The following TMED6 variants were observed in gnomAD, a reference collection of about 807,000 sequenced individuals.
TMED6 encodes the protein transmembrane emp24 domain-containing protein 6.
TMED6 carries 17 observed loss-of-function variants against 26.5 expected under a neutral mutation model. That is an observed-to-expected ratio of 0.64 (90% CI 0.44 to 0.96). TMED6 has a LOEUF of 0.96. Ranked by LOEUF, TMED6 falls within the 40% of genes least tolerant of loss-of-function variation. TMED6 has a pLI of 0.00. For missense variants in TMED6, 309 were observed against 296.5 expected, an observed-to-expected ratio of 1.04 and a Z score of -0.31; for synonymous variants, 107 against 106.2, an observed-to-expected ratio of 1.01 and a Z score of -0.04.
intron 1 of TMED6, among the ~76,000 whole-genome samples, 198 bp from the exon 2 acceptor site, chr16:69,349,849 A>G (rs2012747935): frequency 6.6e-6 from 1 of 152,212 alleles, no homozygotes; most frequent in Non-Finnish European, 1.5e-5. Flanking sequence ...GAGGCAGCAC[A>G]GCATTGCTGA....
intron 3 of TMED6, among the ~76,000 whole-genome samples, chr16:69,345,665 AGACT>A (rs1439276306): frequency 2.8e-5 from 4 of 143,400 alleles, no homozygotes; most frequent in Admixed American, 7.1e-5. Flanking sequence ...CCTGGACGAC[AGACT>A]GACTCTCTCA....
intron 2 of TMED6, 123 bp from the exon 3 acceptor site, chr16:69,348,059 T>A: frequency 9.9e-7 from 1 of 1,012,056 alleles, no homozygotes; most frequent in Non-Finnish European, 1.4e-6. Context: ...ACTTAGAAAG[T>A]ACAAAGATCC....
rs1376260532 is a variant in TMED6, at chr16:69,351,591, AT to A, written c.162del (p.Glu54AspfsTer43). 3 of 1,614,072 alleles carry A rather than the reference AT, an allele frequency of 1.9e-6. No homozygotes were observed. The highest frequency in any genetic ancestry group is 4.5e-5 in the East Asian group (2 of 44,898). On this transcript the variant is annotated frameshift_variant, in exon 1 of 4. Transcript: ENST00000288025. LOFTEE classifies it high-confidence loss of function. ...GTCTGGTGGGCAAATTGCCAAAAGC[AT>A]TCCGTGCCTCCTGGAGGTATCATGA... ...FAIMIPPGGTECFWQFAHQTG... is the reference protein window; with the variant it reads ...FAIMIPPGGTXCFWQFAHQTG...
In TMED6 at chr16:69,351,161, G is replaced by C. The variant is rs985729523; in HGVS notation, c.213+380C>G. On this transcript the variant is annotated intron_variant, in intron 1 of 3. Transcript: ENST00000288025. ...CTCCCCCACCCCATAAGCTGAAGCAGCCTTCTTTGAAATCTCTGGATCAGT... is the reference window on the plus strand; with the variant it reads ...CTCCCCCACCCCATAAGCTGAAGCACCCTTCTTTGAAATCTCTGGATCAGT... 5.3e-5 allele frequency among the ~76,000 whole-genome samples: 8 copies of C among 152,250 alleles called. 1 individual carries two copies. Among genetic ancestry groups the C allele is most frequent in the Admixed American group, 6.5e-5 (1 of 15,282 alleles).
chr16:69,351,051 T>C (rs115017716), intron 1 of TMED6, among the ~76,000 whole-genome samples: 2,301 of 150,094 alleles, frequency 0.015, 58 homozygotes, highest in African/African-American at 0.054. Flanking sequence ...AAAAAAAAAA[T>C]AGGATTAACT....
chr16:69,349,208 T>A (rs1471474693), intron 2 of TMED6, among the ~76,000 whole-genome samples: 1 of 152,254 alleles, frequency 6.6e-6, no homozygotes, highest in Admixed American at 6.5e-5. Flanking sequence ...ATCCATTTGT[T>A]AATTGGAATT....
chr16:69,348,499 A>C (rs2012724189), intron 2 of TMED6: 5 of 152,172 alleles, frequency 3.3e-5, no homozygotes, highest in South Asian at 2.1e-4. Context: ...GCGGGTGGGA[A>C]GGAGCAAGGT....
intron 3 of TMED6, 70 bp from the exon 4 acceptor site, chr16:69,343,710 C>G: frequency 8.3e-7 from 1 of 1,211,956 alleles, no homozygotes; most frequent in Non-Finnish European, 1.2e-6. Context: ...CGCTCACTAG[C>G]ACTAACCTAT....
chr16:69,345,421 C>T (rs1177153783), intron 3 of TMED6, among the ~76,000 whole-genome samples: 8 of 152,094 alleles, frequency 5.3e-5, no homozygotes, highest in South Asian at 4.1e-4. Context: ...CGGTGGCTCA[C>T]GCCTGTATTC....
intron 3 of TMED6, among the ~76,000 whole-genome samples, chr16:69,344,103 G>A (rs998042173): frequency 2.8e-4 from 43 of 152,052 alleles, no homozygotes; most frequent in Non-Finnish European, 5.7e-4. Context: ...AAAGTGTTGG[G>A]ATTATGGTCA....
At chr16:69,349,471 G>GT in intron 2 of TMED6, 54 bp downstream of exon 2, 2 of 1,571,642 alleles carry the variant, frequency 1.3e-6, no homozygotes, top group Non-Finnish European at 1.7e-6. Flanking sequence ...CATTATTTCT[G>GT]TAATTTCATA....
chr16:69,347,217 T>C (rs944556210), intron 3 of TMED6, among the ~76,000 whole-genome samples: 16 of 152,174 alleles, frequency 1.1e-4, no homozygotes, highest in South Asian at 1.0e-3. Flanking sequence ...AAAAAACCAC[T>C]GACTTACACA....
chr16:69,348,464 G>T (rs115981365), intron 2 of TMED6: 3 of 152,394 alleles, frequency 2.0e-5, no homozygotes, highest in East Asian at 1.9e-4. Context: ...GTGTGTGCGG[G>T]GGGGAGGGGG....
At position 69,343,470 on chromosome 16, in the gene TMED6, C is replaced by T. The variant is rs892233721; in HGVS notation, c.660G>A (p.Leu220=). ...LVIILSGILQ[L]YFLKRLFNVP... is the part of the protein sequence containing the mutation. ...CATTGAAGAGACGCTTCAAGAAATA[C>T]AGTTGCAGGATCCCAGAAAGAATAA... The change falls in exon 4 of 4, where the codon CTG becomes CTA. Residue 220 remains leucine (L), a synonymous_variant. Coordinates refer to ENST00000288025, the MANE Select transcript of TMED6 (RefSeq NM_144676.4). 19 of 1,614,170 alleles carry T rather than the reference C, an allele frequency of 1.2e-5. No homozygotes were observed. The highest frequency in any genetic ancestry group is 2.2e-5 in the East Asian group (1 of 44,884).
chr16:69,346,080 C>G (rs975730467), intron 3 of TMED6, among the ~76,000 whole-genome samples: 3 of 152,212 alleles, frequency 2.0e-5, no homozygotes, highest in Non-Finnish European at 2.9e-5. Flanking sequence ...TAGGGAAATG[C>G]AACTCAAAAC....
intron 2 of TMED6, 192 bp from the exon 3 acceptor site, chr16:69,348,128 A>G: frequency 5.7e-6 from 3 of 525,170 alleles, no homozygotes; most frequent in East Asian, 3.1e-5. Flanking sequence ...ATTACTTATT[A>G]TATTTGGCCA....
At chr16:69,343,726 G>C (rs753408488) in intron 3 of TMED6, 86 bp from the exon 4 acceptor site, 18 of 1,021,258 alleles carry the variant, frequency 1.8e-5, no homozygotes, top group Non-Finnish European at 2.5e-5. Flanking sequence ...CCTATCTCAA[G>C]TCAAATAATT....
chr16:69,346,869 A>G (rs2012694596), intron 3 of TMED6, among the ~76,000 whole-genome samples: 1 of 152,134 alleles, frequency 6.6e-6, no homozygotes, highest in South Asian at 2.1e-4. Context: ...ATCTCGGCAC[A>G]GTAGCTCATA....
At chr16:69,346,122 A>T (rs553258168) in intron 3 of TMED6, among the ~76,000 whole-genome samples, 1 of 152,244 alleles carries the variant, frequency 6.6e-6, no homozygotes, top group South Asian at 2.1e-4. Flanking sequence ...CACTAGGATG[A>T]CTGTAACAAA....
Sources: gnomAD v4.1 joint callset for allele counts (sites outside exome capture counted in the v4.1 genomes callset) on GRCh38, gnomAD v4.1.1 for gene constraint, MANE v1.5 for transcripts, NCBI Gene and HGNC (gene_info 2026-07-23, HGNC 2026-07-21) for gene names.